The following PPP3CA variants were observed in gnomAD, a reference collection of about 807,000 sequenced individuals.
PPP3CA encodes protein phosphatase 3 catalytic subunit alpha, also known as CAM-PRP catalytic subunit.
PPP3CA carries 14 observed loss-of-function variants against 66.5 expected under a neutral mutation model. That is an observed-to-expected ratio of 0.21 (90% CI 0.14 to 0.33). PPP3CA has a LOEUF of 0.33. PPP3CA is among the 10% of genes least tolerant of loss of function. The probability of loss-of-function intolerance (pLI) is 1.00; values close to 1 mark genes in which losing one functional copy is unlikely to be tolerated. For synonymous variants in PPP3CA, 232 were observed against 226.2 expected (o/e 1.03, Z -0.23); for missense variants, 317 against 639.5 (o/e 0.50, Z 5.44).
chr4:101,036,675 G>A (rs183144282), intron 11 of PPP3CA, among the ~76,000 whole-genome samples: 1 of 152,300 alleles, frequency 6.6e-6, no homozygotes, highest in East Asian at 1.9e-4. Flanking sequence ...GCCTCCCAAA[G>A]TGTTGGGATT....
chr4:101,304,164 T>C (rs1263644916), intron 1 of PPP3CA, among the ~76,000 whole-genome samples: 1 of 152,204 alleles, frequency 6.6e-6, no homozygotes, highest in East Asian at 1.9e-4. Flanking sequence ...CAAAGACCTC[T>C]TTCATCAGGA....
chr4:101,317,427 C>G (rs549342685), intron 1 of PPP3CA, among the ~76,000 whole-genome samples: 38 of 152,232 alleles, frequency 2.5e-4, no homozygotes, highest in Non-Finnish European at 4.4e-4. Context: ...CTTATCTCCC[C>G]ATAATCTTTA....
chr4:101,181,802 GA>G (rs1409903838), intron 2 of PPP3CA, among the ~76,000 whole-genome samples: 2 of 152,074 alleles, frequency 1.3e-5, no homozygotes, highest in Non-Finnish European at 2.9e-5. Context: ...AAGAAATTAT[GA>G]GGAGACTTAC....
chr4:101,328,871 A>C (rs1048921159), intron 1 of PPP3CA, among the ~76,000 whole-genome samples: 1 of 152,134 alleles, frequency 6.6e-6, no homozygotes, highest in African/African-American at 2.4e-5. Context: ...TTTAACAAAT[A>C]AATGTGTGTA....
At chr4:101,330,163 T>A in intron 1 of PPP3CA, 3 of 362,022 alleles carry the variant, frequency 8.3e-6, no homozygotes, top group Non-Finnish European at 1.1e-5. Flanking sequence ...TTAACAAGAG[T>A]TTGAAATAAA....
chr4:101,028,733 T>C (rs918108115), intron 13 of PPP3CA, among the ~76,000 whole-genome samples: 3 of 152,268 alleles, frequency 2.0e-5, no homozygotes, highest in African/African-American at 7.2e-5. Context: ...TAAATGAACA[T>C]TTTTTTCCTT....
intron 1 of PPP3CA, among the ~76,000 whole-genome samples, chr4:101,230,991 T>G (rs1394691123): frequency 6.6e-6 from 1 of 151,740 alleles, no homozygotes; most frequent in East Asian, 1.9e-4. Flanking sequence ...ACTTTCAAAA[T>G]GCAAAGTCAT....
intron 2 of PPP3CA, among the ~76,000 whole-genome samples, chr4:101,111,670 C>T (rs562343182): frequency 6.6e-6 from 1 of 152,284 alleles, no homozygotes; most frequent in South Asian, 2.1e-4. Context: ...GTATTACTTA[C>T]TATCTGAGTG....
chr4:101,331,442 T>C (rs902155484), intron 1 of PPP3CA, among the ~76,000 whole-genome samples: 2 of 152,194 alleles, frequency 1.3e-5, no homozygotes, highest in Non-Finnish European at 2.9e-5. Flanking sequence ...GTGCCAGGCA[T>C]TGCACTAAGC....
chr4:101,228,481 T>C (rs1725852886), intron 1 of PPP3CA, among the ~76,000 whole-genome samples: 1 of 151,658 alleles, frequency 6.6e-6, no homozygotes, highest in South Asian at 2.1e-4. Flanking sequence ...AGAGTCTTGA[T>C]TAAAGGCACC....
chr4:101,094,031 G>A (rs1730081183), intron 5 of PPP3CA, 116 bp from the exon 6 acceptor site: 1 of 905,700 alleles, frequency 1.1e-6, no homozygotes, highest in Admixed American at 3.3e-5. Flanking sequence ...CTACAGCTCA[G>A]GGTGAAATGT....
intron 1 of PPP3CA, among the ~76,000 whole-genome samples, chr4:101,302,360 G>A (rs1476495945): frequency 1.3e-5 from 2 of 152,182 alleles, no homozygotes; most frequent in Non-Finnish European, 2.9e-5. Flanking sequence ...ACCAAACTGC[G>A]ATGATATATT....
intron 1 of PPP3CA, among the ~76,000 whole-genome samples, chr4:101,342,911 T>C (rs757046071): frequency 1.3e-5 from 2 of 152,210 alleles, no homozygotes; most frequent in Non-Finnish European, 2.9e-5. Flanking sequence ...CCTTATTTAC[T>C]TAATAATACT....
chr4:101,262,888 C>T (rs1268583793), intron 1 of PPP3CA, among the ~76,000 whole-genome samples: 1 of 152,106 alleles, frequency 6.6e-6, no homozygotes, highest in African/African-American at 2.4e-5. Flanking sequence ...AACCCTGTGG[C>T]CCTTGTAGGC....
intron 8 of PPP3CA, among the ~76,000 whole-genome samples, chr4:101,063,716 T>C (rs1470320682): frequency 2.6e-5 from 4 of 151,980 alleles, no homozygotes; most frequent in Non-Finnish European, 5.9e-5. Flanking sequence ...ACAGCTAAGT[T>C]TGACATAATA....
At chr4:101,336,582 G>GAAA (rs534710537) in intron 1 of PPP3CA, among the ~76,000 whole-genome samples, 3 of 98,860 alleles carry the variant, frequency 3.0e-5, no homozygotes, top group Non-Finnish European at 4.8e-5. Context: ...AAAAAAAAAT[G>GAAA]AAAAAAAAAA....
intron 1 of PPP3CA, among the ~76,000 whole-genome samples, chr4:101,284,194 T>C (rs905021307): frequency 5.3e-5 from 8 of 152,214 alleles, no homozygotes; most frequent in African/African-American, 1.9e-4. Context: ...GTTTGCTTTA[T>C]ATTTGTATCC....
At chr4:101,091,980 C>T (rs189133073) in intron 6 of PPP3CA, among the ~76,000 whole-genome samples, 7 of 151,908 alleles carry the variant, frequency 4.6e-5, no homozygotes, top group South Asian at 2.1e-4. Flanking sequence ...GCAATTTTCA[C>T]ATAAGCTGTA....
intron 9 of PPP3CA, among the ~76,000 whole-genome samples, chr4:101,062,728 T>C (rs745686341): frequency 6.6e-6 from 1 of 152,166 alleles, no homozygotes; most frequent in South Asian, 2.1e-4. Context: ...GCCTACATTA[T>C]TGATGAACTA....
Sources: gnomAD v4.1 joint callset for allele counts (sites outside exome capture counted in the v4.1 genomes callset) on GRCh38, gnomAD v4.1.1 for gene constraint, MANE v1.5 for transcripts, NCBI Gene and HGNC (gene_info 2026-07-23, HGNC 2026-07-21) for gene names.